The following LINGO2 variants were observed in gnomAD, a reference collection of about 807,000 sequenced individuals.
LINGO2 encodes the protein leucine rich repeat and Ig domain containing 2.
A neutral mutation model predicts 30.6 loss-of-function variants in LINGO2; 14 were observed. The ratio of observed to expected loss-of-function variants is 0.46; its 90% CI spans 0.30 to 0.72. LINGO2 has a LOEUF of 0.72. Ranked by LOEUF, LINGO2 falls within the 30% of genes least tolerant of loss-of-function variation. The pLI, the probability that LINGO2 is intolerant of heterozygous loss-of-function variation, is 0.07. For missense variants in LINGO2, 729 were observed against 751.7 expected (o/e 0.97, Z 0.35); for synonymous variants, 317 against 288.5 (o/e 1.10, Z -1.00).
the LINGO2 span, among the ~76,000 whole-genome samples, chr9:29,068,326 T>C: frequency 6.6e-6 from 1 of 151,766 alleles, no homozygotes. Flanking sequence ...TTGAGATAGA[T>C]GTCCACCGCA....
chr9:28,166,956 T>C (rs1234539517), intron 4 of LINGO2, among the ~76,000 whole-genome samples: 1 of 152,270 alleles, frequency 6.6e-6, no homozygotes, highest in South Asian at 2.1e-4. Flanking sequence ...CTCTCATCAA[T>C]GTGCAGCCAG....
At chr9:27,985,087 T>C (rs1206691743) in intron 5 of LINGO2, among the ~76,000 whole-genome samples, 1 of 151,894 alleles carries the variant, frequency 6.6e-6, no homozygotes, top group African/African-American at 2.4e-5. Flanking sequence ...GTGATATAAA[T>C]ACATGGAAAT....
At chr9:28,570,608 C>CAAAA (rs5897307) in intron 1 of LINGO2, among the ~76,000 whole-genome samples, 6 of 142,920 alleles carry the variant, frequency 4.2e-5, no homozygotes, top group Middle Eastern at 3.6e-3. Flanking sequence ...AAACAGTTTG[C>CAAAA]AAAAAAAAAA....
chr9:28,715,259 T>C, the LINGO2 span, among the ~76,000 whole-genome samples: 1 of 152,182 alleles, frequency 6.6e-6, no homozygotes, highest in South Asian at 2.1e-4. Context: ...AAATTCCTGT[T>C]TCTGTGTAGA....
At chr9:29,125,590 T>A in the LINGO2 span, among the ~76,000 whole-genome samples, 1 of 152,150 alleles carries the variant, frequency 6.6e-6, no homozygotes, top group Non-Finnish European at 1.5e-5. Flanking sequence ...TTATTGGTTT[T>A]GATTACAGGT....
At chr9:29,046,898 G>A in the LINGO2 span, among the ~76,000 whole-genome samples, 7 of 84,254 alleles carry the variant, frequency 8.3e-5, no homozygotes, top group African/African-American at 3.0e-4. Context: ...GGTCAACATG[G>A]TGAAACCCCA....
chr9:28,771,984 T>A, the LINGO2 span, among the ~76,000 whole-genome samples: 1 of 152,076 alleles, frequency 6.6e-6, no homozygotes. Flanking sequence ...AGACAAGGAG[T>A]ATATCTACCC....
intron 3 of LINGO2, among the ~76,000 whole-genome samples, chr9:28,347,172 A>G (rs902463056): frequency 6.6e-6 from 1 of 152,196 alleles, no homozygotes; most frequent in African/African-American, 2.4e-5. Flanking sequence ...ATAAAAATAG[A>G]AAATTCCTAC....
intron 4 of LINGO2, among the ~76,000 whole-genome samples, chr9:28,266,022 G>T (rs891091134): frequency 3.3e-5 from 5 of 151,868 alleles, no homozygotes; most frequent in African/African-American, 1.2e-4. Context: ...TTTTCATCAC[G>T]GAATGATTTG....
chr9:28,210,220 T>TA (rs1820542484), intron 4 of LINGO2, among the ~76,000 whole-genome samples: 1 of 151,694 alleles, frequency 6.6e-6, no homozygotes, highest in Admixed American at 6.6e-5. Context: ...CTCAATAACT[T>TA]ACAGCATTGA....
chr9:29,176,328 T>C, the LINGO2 span, among the ~76,000 whole-genome samples: 5 of 152,218 alleles, frequency 3.3e-5, no homozygotes, highest in Non-Finnish European at 4.4e-5. Flanking sequence ...AGATGTCCTT[T>C]GTTGAGACTA....
chr9:29,191,288 A>C, the LINGO2 span, among the ~76,000 whole-genome samples: 1 of 152,190 alleles, frequency 6.6e-6, no homozygotes, highest in South Asian at 2.1e-4. Flanking sequence ...TGGTATATAC[A>C]AGAAAAACTT....
chr9:28,034,006 C>A (rs1306392637), intron 4 of LINGO2, among the ~76,000 whole-genome samples: 1 of 152,214 alleles, frequency 6.6e-6, no homozygotes, highest in East Asian at 1.9e-4. Flanking sequence ...TTCTGTAGGT[C>A]TCCCTTCTAA....
chr9:28,940,738 T>C, the LINGO2 span, among the ~76,000 whole-genome samples: 1 of 152,138 alleles, frequency 6.6e-6, no homozygotes, highest in Non-Finnish European at 1.5e-5. Context: ...CTATGAAGGA[T>C]TGCTGACAGG....
the LINGO2 span, among the ~76,000 whole-genome samples, chr9:29,115,705 A>T: frequency 9.3e-4 from 142 of 152,156 alleles, no homozygotes; most frequent in African/African-American, 3.2e-3. Context: ...ATTTAAAAGT[A>T]TTTTTATCAT....
chr9:28,592,323 A>G (rs574168877), intron 1 of LINGO2, among the ~76,000 whole-genome samples: 1 of 152,238 alleles, frequency 6.6e-6, no homozygotes, highest in Non-Finnish European at 1.5e-5. Flanking sequence ...CTGACAGAAA[A>G]GGCAATCTAA....
chr9:29,185,918 G>T, the LINGO2 span, among the ~76,000 whole-genome samples: 4 of 152,098 alleles, frequency 2.6e-5, no homozygotes, highest in Non-Finnish European at 5.9e-5. Flanking sequence ...AGATTATGTG[G>T]AAGTCTTAAC....
the LINGO2 span, among the ~76,000 whole-genome samples, chr9:29,107,942 T>C: frequency 3.3e-5 from 5 of 151,874 alleles, no homozygotes; most frequent in Admixed American, 2.6e-4. Flanking sequence ...GAGAGTATTC[T>C]ATGATTGAAA....
the LINGO2 span, among the ~76,000 whole-genome samples, chr9:29,043,229 A>G: frequency 6.6e-6 from 1 of 151,996 alleles, no homozygotes; most frequent in African/African-American, 2.4e-5. Context: ...ATAAAGATGT[A>G]GACTGGAAAT....
Sources: gnomAD v4.1 joint callset for allele counts (sites outside exome capture counted in the v4.1 genomes callset) on GRCh38, gnomAD v4.1.1 for gene constraint, MANE v1.5 for transcripts, NCBI Gene and HGNC (gene_info 2026-07-23, HGNC 2026-07-21) for gene names.